KRT37: variants seen among roughly 807,000 people sequenced by gnomAD.
The protein encoded by KRT37 is keratin, type I cuticular Ha7.
KRT37 carries 38 observed loss-of-function variants against 41.9 expected under a neutral mutation model. The ratio of observed to expected loss-of-function variants is 0.91; its 90% CI spans 0.70 to 1.19. KRT37 has a LOEUF of 1.19. Ranked by LOEUF, KRT37 falls within the 50% of genes most tolerant of loss-of-function variation. The pLI is 0.00. For missense variants in KRT37, 580 were observed against 575.5 expected, an observed-to-expected ratio of 1.01 and a Z score of -0.08; for synonymous variants, 252 against 243.4, an observed-to-expected ratio of 1.04 and a Z score of -0.33.
chr17:41,423,630 A>G, intron 2 of KRT37, 132 bp downstream of exon 2: 1 of 711,804 alleles, frequency 1.4e-6, no homozygotes, highest in Non-Finnish European at 2.4e-6. Flanking sequence ...AGGCTAATTT[A>G]AGGTGTGGAG....
At chr17:41,421,659 C>T in intron 5 of KRT37, 72 bp from the exon 6 acceptor site, 2 of 1,446,412 alleles carry the variant, frequency 1.4e-6, no homozygotes, top group Non-Finnish European at 1.9e-6. Context: ...TGACCAAACT[C>T]ATCACACATA....
In KRT37 at chr17:41,424,312, G is replaced by A; in HGVS notation, c.212C>T (p.Pro71Leu). 6.2e-7 allele frequency: 1 copy of A among 1,613,984 alleles called. No individual in the cohort carries two copies. Among genetic ancestry groups the A allele is most frequent in the Non-Finnish European group, 8.5e-7 (1 of 1,179,842 alleles). The change falls in exon 1 of 7, where the codon CCA becomes CTA. Residue 71 changes from proline (P) to leucine (L), a missense_variant. By Grantham distance (98) the Pro-to-Leu change is moderately conservative. Coordinates refer to ENST00000225550, the MANE Select transcript of KRT37 (RefSeq NM_003770.5). ...PLGRPSLCLP[P>L]TSHTACPLPG... ...CAAGGGACAAGCAGTGTGACTGGTT[G>A]GGGGCAGACAGAGGCTGGGGCGGCC...
chr17:41,424,228 G>T lies in KRT37; in HGVS notation c.296C>A (p.Thr99Asn). 1 of 1,614,228 alleles carries T rather than the reference G, an allele frequency of 6.2e-7. No homozygotes were observed. Among genetic ancestry groups the T allele is most frequent in the Non-Finnish European group, 8.5e-7 (1 of 1,180,040 alleles). Residue 99 changes from threonine to asparagine, a missense_variant, in exon 1 of 7, where the codon ACC becomes AAC. Physicochemically the swap from Thr to Asn is moderately conservative, Grantham distance 65. Coordinates refer to ENST00000225550, the MANE Select transcript of KRT37 (RefSeq NM_003770.5). ...IGICGAYGKN[T>N]LNGHEKETMK... ...GGTCTCCTTCTCATGGCCATTCAGGGTGTTTTTGCCGTAGGCCCCACAGAT... is the reference window on the plus strand; with the variant it reads ...GGTCTCCTTCTCATGGCCATTCAGGTTGTTTTTGCCGTAGGCCCCACAGAT...
Position 41,422,268 on chromosome 17 carries a change from C to T in KRT37, c.894+5G>A. 1 of 1,613,880 alleles carries T rather than the reference C, an allele frequency of 6.2e-7. No individual in the cohort carries two copies. Among genetic ancestry groups the T allele is most frequent in the African/African-American group, 1.3e-5 (1 of 75,028 alleles). On this transcript the variant is annotated splice_donor_5th_base_variant and intron_variant, in intron 4 of 6. Transcript: ENST00000225550. ...GTACTCCCTGGCTCTGTAACCCCCA[C>T]TCACCTGGGCTTGGAACCACTGTTC... is the stretch of plus-strand genomic sequence containing the variant.
At position 41,423,770 on chromosome 17, in the gene KRT37, A is replaced by G. The variant is rs753500650; in HGVS notation, c.567T>C (p.Phe189=). The change falls in exon 2 of 7, where the codon TTT becomes TTC. Residue 189 remains phenylalanine (F), a synonymous_variant. Transcript: ENST00000225550. The stretch of plus-strand genomic sequence containing the variant: ...TCCTCATCCTGACTTACTTGATCCT[A>G]AAGTCATCAGCAGCCAGCTTCGCGT... ...IDNAKLAADD[F]RIKLESERSL... is the part of the protein sequence containing the mutation. The G allele has an allele frequency of 5.0e-6, 8 of 1,613,960 alleles. No homozygotes were observed. In the African/African-American group the frequency reaches 1.1e-4, roughly 22 times the overall value.
intron 2 of KRT37, chr17:41,423,273 G>A (rs753987182): frequency 1.3e-5 from 4 of 296,402 alleles, no homozygotes; most frequent in East Asian, 5.9e-5. Context: ...CTAAAAATAA[G>A]CCTCTGGACC....
chr17:41,423,926 C>T, intron 1 of KRT37, 82 bp from the exon 2 acceptor site: 1 of 1,603,710 alleles, frequency 6.2e-7, no homozygotes, highest in South Asian at 1.1e-5. Context: ...ACGCTCATGT[C>T]CAAGAGAAAC....
chr17:41,423,809 A>G lies in KRT37; in HGVS notation c.528T>C (p.Ile176=). The change falls in exon 2 of 7, where the codon ATT becomes ATC. Residue 176 remains isoleucine (I), a synonymous_variant. Coordinates refer to ENST00000225550, the MANE Select transcript of KRT37 (RefSeq NM_003770.5). ...LCSKAENARL[I]VQIDNAKLAA... ...CCAGCTTCGCGTTGTCAATTTGTAC[A>G]ATCAGCCTGGCATTCTCAGCCTTGC... is the stretch of plus-strand genomic sequence containing the variant. 6.2e-7 allele frequency: 1 copy of G among 1,614,218 alleles called. No homozygotes were observed. The highest frequency in any genetic ancestry group is 8.5e-7 in the Non-Finnish European group (1 of 1,180,036).
At position 41,422,112 on chromosome 17, in the gene KRT37, G is replaced by A. The variant is rs140701476; in HGVS notation, c.977C>T (p.Thr326Met). Residue 326 changes from threonine (T) to methionine (M), a missense_variant, in exon 5 of 7, where the codon ACG becomes ATG. Coordinates refer to ENST00000225550, the MANE Select transcript of KRT37 (RefSeq NM_003770.5). ...GCGCTCCACCTCCAGGGCATTCACCGTGCATCTCAGCTCCAGGATCTCCGA... is the reference window on the plus strand; with the variant it reads ...GCGCTCCACCTCCAGGGCATTCACCATGCATCTCAGCTCCAGGATCTCCGA... ...CQSEILELRC[T>M]VNALEVERQA... is the part of the protein sequence containing the mutation. 60 of 1,614,206 alleles carry A rather than the reference G, an allele frequency of 3.7e-5. No homozygotes were observed. The highest frequency in any genetic ancestry group is 8.9e-5 in the East Asian group (4 of 44,876).
In KRT37 at chr17:41,424,238, C is replaced by A; in HGVS notation, c.286G>T (p.Gly96Cys). The change falls in exon 1 of 7, where the codon GGC becomes TGC. Residue 96 changes from glycine (G) to cysteine (C), a missense_variant. Gly to Cys is a radical substitution (Grantham distance 159). Transcript: ENST00000225550. ...TCATGGCCATTCAGGGTGTTTTTGC[C>A]GTAGGCCCCACAGATTCCGATGTTG... Reference protein sequence around the residue: ...PGNIGICGAYGKNTLNGHEKE... With the variant: ...PGNIGICGAYCKNTLNGHEKE... 1 of 1,614,226 alleles carries A rather than the reference C, an allele frequency of 6.2e-7. No individual in the cohort carries two copies.
chr17:41,421,286 T>C (rs1597719406), intron 6 of KRT37, 81 bp downstream of exon 6: 1 of 1,430,104 alleles, frequency 7.0e-7, no homozygotes, highest in Non-Finnish European at 9.8e-7. Context: ...AGATGATATC[T>C]TCTGCAAGCA....
rs372339722 is a variant in KRT37 at position 41,422,395 on chromosome 17, G to A, written c.772C>T (p.Arg258Trp). ...ILRSQLGEKFRIELDIEPTID... is the reference protein window; with the variant it reads ...ILRSQLGEKFWIELDIEPTID... ...GTGGGCTCAATGTCCAGCTCGATCC[G>A]GAACTTCTCCCCCAGCTGACTCCTC... Residue 258 changes from arginine (R) to tryptophan (W), a missense_variant, in exon 4 of 7, where the codon CGG becomes TGG. Transcript: ENST00000225550. 8.0e-5 allele frequency: 129 copies of A among 1,614,158 alleles called. No individual in the cohort carries two copies. The Middle Eastern group carries it at 1.5e-3, about 19-fold the overall frequency.
intron 5 of KRT37, among the ~76,000 whole-genome samples, chr17:41,421,796 C>T (rs577848460): frequency 4.0e-4 from 61 of 152,292 alleles, no homozygotes; most frequent in Non-Finnish European, 6.2e-4. Flanking sequence ...CCCTGTATCC[C>T]CAGTGCTTGA....
Position 41,422,919 on chromosome 17 carries a change from G to A in KRT37, c.591C>T (p.Arg197=), listed in dbSNP as rs752814597. The change falls in exon 3 of 7, where the codon CGC becomes CGT. Residue 197 remains arginine, a synonymous_variant. Transcript: ENST00000225550. The part of the protein sequence containing the change: ...DDFRIKLESE[R]SLHQLVEADK... ...CCGCCTCCACCAGCTGGTGAAGGGA[G>A]CGCTCACTCTCCAGCCTTCCGTCAC... 1.9e-6 allele frequency: 3 copies of A among 1,613,738 alleles called. No individual in the cohort carries two copies. Among genetic ancestry groups the A allele is most frequent in the South Asian group, 1.1e-5 (1 of 91,034 alleles).
At chr17:41,421,849 G>A (rs967866254) in intron 5 of KRT37, among the ~76,000 whole-genome samples, 2 of 152,180 alleles carry the variant, frequency 1.3e-5, no homozygotes, top group African/African-American at 4.8e-5. Flanking sequence ...GTGAGTGCCT[G>A]AACTTCCGCA....
rs759078006 is a variant in KRT37 at position 41,423,991 on chromosome 17, C to G, written c.492+41G>C. ...CAGATTCCTCCTGCGAAGGCTTCTG[C>G]CTTCTCAGACCCAGCATGCCCAGGC... On this transcript the variant is annotated intron_variant, in intron 1 of 6. Coordinates refer to ENST00000225550, the MANE Select transcript of KRT37 (RefSeq NM_003770.5). The G allele has an allele frequency of 1.9e-6, 3 of 1,605,014 alleles. No homozygotes were observed. In the South Asian group the frequency reaches 3.3e-5, roughly 18 times the overall value.
At position 41,421,501 on chromosome 17, in the gene KRT37, C is replaced by T. The variant is rs750578909; in HGVS notation, c.1107G>A (p.Leu369=). The T allele has an allele frequency of 3.2e-5, 51 of 1,614,224 alleles. No homozygotes were observed. Among genetic ancestry groups the T allele is most frequent in the Non-Finnish European group, 4.3e-5 (51 of 1,180,032 alleles). ...CCCGGATCTCAGACAACTGCTCTTC[C>T]AAGTTGCTAATGAGGCTCTGCATCT... ...LAQMQSLISN[L]EEQLSEIRAD... The change falls in exon 6 of 7, where the codon TTG becomes TTA. Residue 369 remains leucine (L), a synonymous_variant. Transcript: ENST00000225550.
intron 2 of KRT37, chr17:41,423,251 GA>G: frequency 3.0e-6 from 1 of 328,800 alleles, no homozygotes. Context: ...ATTTGGCCAG[GA>G]AAAAGAATGG....
chr17:41,422,922 C>G lies in KRT37; in HGVS notation c.588G>C (p.Glu196Asp), dbSNP rs752129151. The G allele has an allele frequency of 1.2e-6, 2 of 1,613,598 alleles. No individual in the cohort carries two copies. Among genetic ancestry groups the G allele is most frequent in the South Asian group, 2.2e-5 (2 of 90,992 alleles). Reference protein sequence around the residue: ...ADDFRIKLESERSLHQLVEAD... With the variant: ...ADDFRIKLESDRSLHQLVEAD... ...CCTCCACCAGCTGGTGAAGGGAGCG[C>G]TCACTCTCCAGCCTTCCGTCACAGG... The change falls in exon 3 of 7, where the codon GAG becomes GAC. Residue 196 changes from glutamate (E) to aspartate (D), a missense_variant. Glu to Asp is a conservative substitution (Grantham distance 45). Transcript: ENST00000225550.
Sources: gnomAD v4.1 joint callset for allele counts (sites outside exome capture counted in the v4.1 genomes callset) on GRCh38, gnomAD v4.1.1 for gene constraint, MANE v1.5 for transcripts, NCBI Gene and HGNC (gene_info 2026-07-23, HGNC 2026-07-21) for gene names.